CNKSR2: variants seen among roughly 807,000 people sequenced by gnomAD.
CNKSR2 encodes the protein CNK homolog protein 2.
Under a neutral mutation model 84.4 loss-of-function variants are expected in CNKSR2, and 14 were observed. That is an observed-to-expected ratio of 0.17 (90% CI 0.11 to 0.26). CNKSR2 has a LOEUF of 0.26. CNKSR2 is among the 10% of genes least tolerant of loss of function. CNKSR2 has a pLI of 1.00. For synonymous variants in CNKSR2, 275 were observed against 277.9 expected (o/e 0.99, Z 0.10); for missense variants, 485 against 771.2 (o/e 0.63, Z 4.40).
chrX:21,498,012 T>C (rs1190374058), intron 7 of CNKSR2, among the ~76,000 whole-genome samples, 166 bp downstream of exon 7: 1 of 111,559 alleles, frequency 9.0e-6, no homozygotes, highest in Non-Finnish European at 1.9e-5. Context: ...TCTGTTCAAA[T>C]TTCCCTTTTT....
At chrX:21,536,912 A>T (rs1290174202) in intron 11 of CNKSR2, among the ~76,000 whole-genome samples, 3 of 76,085 alleles carry the variant, frequency 3.9e-5, no homozygotes, top group African/African-American at 5.2e-5. Context: ...AGTTTGATTT[A>T]TTTTTGCTTT....
intron 1 of CNKSR2, among the ~76,000 whole-genome samples, chrX:21,385,506 C>T (rs2089955814): frequency 2.7e-5 from 3 of 111,875 alleles, no homozygotes; most frequent in African/African-American, 9.7e-5. Context: ...GGTGCTTTCC[C>T]TACATTACAT....
intron 17 of CNKSR2, among the ~76,000 whole-genome samples, chrX:21,598,273 G>T (rs1266803108): frequency 9.0e-6 from 1 of 110,933 alleles, no homozygotes; most frequent in Non-Finnish European, 1.9e-5. Flanking sequence ...ATAGTACTCA[G>T]GTATTCTGAA....
rs190276618 is a variant in CNKSR2, at chrX:21,483,797, C to T, written c.562-6662C>T. Reference sequence around the variant, plus strand: ...TAGCTCAACAGAAATCTGTCAAGTACTAAGATACTAAACATACTATATTTA... The same window carrying T: ...TAGCTCAACAGAAATCTGTCAAGTATTAAGATACTAAACATACTATATTTA... On this transcript the variant is annotated intron_variant, in intron 5 of 21. Transcript: ENST00000379510. Among the ~76,000 whole-genome samples the T allele has an allele frequency of 2.9e-4, 32 of 109,541 alleles. No homozygotes were observed. In the East Asian group the frequency reaches 9.1e-3, roughly 31 times the overall value.
intron 18 of CNKSR2, 48 bp downstream of exon 18, chrX:21,601,397 C>A (rs1388601947): frequency 1.3e-6 from 1 of 780,074 alleles, no homozygotes; most frequent in South Asian, 2.8e-5. Flanking sequence ...TTTTTTCCTG[C>A]AGTTATCCTA....
intron 4 of CNKSR2, among the ~76,000 whole-genome samples, chrX:21,458,521 C>T (rs2091021043): frequency 8.9e-6 from 1 of 112,002 alleles, no homozygotes; most frequent in South Asian, 3.7e-4. Flanking sequence ...GGAATAGTCC[C>T]TCTCCCCTAT....
chrX:21,432,898 G>C (rs1173063904), intron 3 of CNKSR2, 84 bp downstream of exon 3: 2 of 957,351 alleles, frequency 2.1e-6, no homozygotes, highest in African/African-American at 3.9e-5. Context: ...TGTTGTGAAA[G>C]GATTGGACAG....
At chrX:21,512,461 T>G (rs1008027244) in intron 8 of CNKSR2, among the ~76,000 whole-genome samples, 24 of 111,668 alleles carry the variant, frequency 2.1e-4, no homozygotes, top group African/African-American at 7.5e-4. Flanking sequence ...AAGGACCTGT[T>G]TGAGGATTGG....
chrX:21,463,922 A>G (rs997647623), intron 4 of CNKSR2, among the ~76,000 whole-genome samples: 3 of 111,394 alleles, frequency 2.7e-5, no homozygotes, highest in African/African-American at 9.8e-5. Context: ...GGGTTAGGGG[A>G]GGGTTGATGC....
intron 13 of CNKSR2, among the ~76,000 whole-genome samples, chrX:21,578,051 G>A (rs932415292): frequency 9.0e-6 from 1 of 111,079 alleles, no homozygotes. Context: ...ATTGGCAATG[G>A]ACCAAAGTGC....
At position 21,649,009 on chromosome X, in the gene CNKSR2, T is replaced by C. The variant is rs371138428; in HGVS notation, c.2871T>C (p.Ile957=). The change falls in exon 21 of 22, where the codon ATT becomes ATC. Residue 957 remains isoleucine, a synonymous_variant. Transcript: ENST00000379510. The stretch of plus-strand genomic sequence containing the variant: ...ATGAAAAACTACACCGGCTGAGAAT[T>C]CTCAAAAGCACTTTAAAGGTAAGAC... ...VMNEKLHRLR[I]LKSTLKAREG... 2 of 1,195,240 alleles carry C rather than the reference T, an allele frequency of 1.7e-6. No individual in the cohort carries two copies. Among genetic ancestry groups the C allele is most frequent in the Non-Finnish European group, 2.3e-6 (2 of 885,248 alleles).
At chrX:21,416,312 G>A (rs994504489) in intron 1 of CNKSR2, among the ~76,000 whole-genome samples, 2 of 111,628 alleles carry the variant, frequency 1.8e-5, no homozygotes, top group African/African-American at 6.5e-5. Context: ...ATGAATGATC[G>A]TTTTAAAGTA....
At chrX:21,644,744 T>C (rs1261762417) in intron 20 of CNKSR2, 7 of 111,886 alleles carry the variant, frequency 6.3e-5, no homozygotes, top group Non-Finnish European at 1.1e-4. Context: ...AGAAAAAGCA[T>C]TGGAATTTTT....
intron 1 of CNKSR2, among the ~76,000 whole-genome samples, chrX:21,413,529 A>G (rs1056010002): frequency 3.6e-5 from 4 of 110,831 alleles, no homozygotes; most frequent in African/African-American, 1.3e-4. Flanking sequence ...GAGTGACTCT[A>G]CTATTTGCTG....
chrX:21,540,389 C>T lies in CNKSR2; in HGVS notation c.1303+8322C>T, dbSNP rs997871744. Among the ~76,000 whole-genome samples, 5 of 111,677 alleles carry T rather than the reference C, an allele frequency of 4.5e-5. No homozygotes were observed. The Admixed American group carries it at 4.7e-4, about 11-fold the overall frequency. ...GACCCCAACAGAAATAACTTCAAAC[C>T]TTCATAAGCAATAATCAATGACAAC... On this transcript the variant is annotated intron_variant, in intron 11 of 21. Coordinates refer to ENST00000379510, the MANE Select transcript of CNKSR2 (RefSeq NM_014927.5).
chrX:21,460,227 C>G (rs948283906), intron 4 of CNKSR2, among the ~76,000 whole-genome samples: 1 of 112,089 alleles, frequency 8.9e-6, no homozygotes, highest in African/African-American at 3.2e-5. Flanking sequence ...GTATGTAACA[C>G]GTTCTGTTTT....
At chrX:21,504,713 T>A in intron 8 of CNKSR2, 1 of 294,197 alleles carries the variant, frequency 3.4e-6, no homozygotes, top group Non-Finnish European at 6.0e-6. Flanking sequence ...GCTCCTTTTT[T>A]AAAAGTATTT....
rs1476931668 is a variant in CNKSR2 at position 21,490,714 on chromosome X, T to A, written c.681+136T>A. The A allele has an allele frequency of 5.0e-6, 3 of 598,224 alleles. No homozygotes were observed. In the East Asian group the frequency reaches 1.2e-4, roughly 25 times the overall value. The allele number at this position is 598,224 out of a possible 1,213,427, so 49.3% of individuals were successfully genotyped here. On this transcript the variant is annotated intron_variant, in intron 6 of 21. Transcript: ENST00000379510. ...TTTTGGTATTTTTTTCCTGGAGGAG[T>A]TATGGTAGTGGAAGTTTGTGATGCA...
At chrX:21,398,824 A>G (rs1398114043) in intron 1 of CNKSR2, among the ~76,000 whole-genome samples, 14 of 112,192 alleles carry the variant, frequency 1.2e-4, no homozygotes, top group Non-Finnish European at 1.9e-5. Flanking sequence ...TTCTTAATTT[A>G]ATTATGCTTG....
Sources: gnomAD v4.1 joint callset for allele counts (sites outside exome capture counted in the v4.1 genomes callset) on GRCh38, gnomAD v4.1.1 for gene constraint, MANE v1.5 for transcripts, NCBI Gene and HGNC (gene_info 2026-07-23, HGNC 2026-07-21) for gene names.